Variants in AGBL5 observed in about 807,000 individuals in gnomAD.
AGBL5 encodes the protein cytosolic carboxypeptidase-like protein 5.
Under a neutral mutation model 88.0 loss-of-function variants are expected in AGBL5, and 51 were observed. The ratio of observed to expected loss-of-function variants is 0.58; its 90% CI spans 0.46 to 0.73. AGBL5 has a LOEUF of 0.73. Among genes scored for constraint, AGBL5 ranks in the 30% least tolerant of loss-of-function variants. The probability of loss-of-function intolerance (pLI) is 0.00; values close to 1 mark genes in which losing one functional copy is unlikely to be tolerated. For synonymous variants in AGBL5, 446 were observed against 438.8 expected, an observed-to-expected ratio of 1.02 and a Z score of -0.21; for missense variants, 1,031 against 1,162.2, an observed-to-expected ratio of 0.89 and a Z score of 1.64.
intron 11 of AGBL5, chr2:27,059,615 C>T: frequency 1.7e-6 from 2 of 1,159,064 alleles, no homozygotes; most frequent in Non-Finnish European, 2.4e-6. Flanking sequence ...AGGGGGAAGT[C>T]TGGGTATCTG....
Position 27,053,275 on chromosome 2 carries a change from T to A in AGBL5, c.215+102T>A. On this transcript the variant is annotated intron_variant, in intron 2 of 14. Transcript: ENST00000360131. This position sits in a 1 kb window ranked among gnomAD's most constrained non-coding sequence, Gnocchi z 4.9. ...ACCCAGCATACTCCCTGTCCATTTC[T>A]GACCCATCGTCCCTCCTTTCTCCTT... is the stretch of plus-strand genomic sequence containing the variant. 1 of 1,520,114 alleles carries A rather than the reference T, an allele frequency of 6.6e-7. No individual in the cohort carries two copies. Among genetic ancestry groups the A allele is most frequent in the Admixed American group, 1.9e-5 (1 of 51,610 alleles). The allele number at this position is 1,520,114 out of a possible 1,614,324, so 94.2% of individuals were successfully genotyped here. A position where few individuals can be genotyped will look rare whatever the true frequency, so the allele number is the denominator to read the frequency against.
chr2:27,057,428 T>C lies in AGBL5; in HGVS notation c.1661T>C (p.Leu554Pro). 1 of 1,610,796 alleles carries C rather than the reference T, an allele frequency of 6.2e-7. No homozygotes were observed. The highest frequency in any genetic ancestry group is 8.5e-7 in the Non-Finnish European group (1 of 1,178,274). Reference sequence around the variant, plus strand: ...TTCCCCTCCAGATACACTGTGGAACTATTTGAGCAGGTATGAATACATGGT... The same window carrying C: ...TTCCCCTCCAGATACACTGTGGAACCATTTGAGCAGGTATGAATACATGGT... The part of the protein sequence containing the change: ...PAFPSRYTVE[L>P]FEQVGRAMAI... Residue 554 changes from leucine (L) to proline (P), a missense_variant, in exon 9 of 15, where the codon CTA becomes CCA. Physicochemically the swap from Leu to Pro is moderately conservative, Grantham distance 98. Coordinates refer to ENST00000360131, the MANE Select transcript of AGBL5 (RefSeq NM_021831.6).
rs1431552464 is a variant in AGBL5, at chr2:27,070,193, G to C, written c.2591G>C (p.Gly864Ala). ...CCATCCTGGAATTGTTACAGCAGGG[G>C]TCCCTTGGGCCAACCTGAGGTTTGT... ...DSPSWNCYSR[G>A]PLGQPEVCFV... Residue 864 changes from glycine (G) to alanine (A), a missense_variant, in exon 15 of 15, where the codon GGT becomes GCT. Gly to Ala is a moderately conservative substitution (Grantham distance 60). Transcript: ENST00000360131. The C allele has an allele frequency of 6.2e-7, 1 of 1,614,204 alleles. No individual in the cohort carries two copies. Among genetic ancestry groups the C allele is most frequent in the Non-Finnish European group, 8.5e-7 (1 of 1,180,044 alleles).
In AGBL5 at chr2:27,057,458, G is replaced by C; in HGVS notation, c.1671+20G>C. The C allele has an allele frequency of 6.3e-7, 1 of 1,581,722 alleles. No homozygotes were observed. Among genetic ancestry groups the C allele is most frequent in the Non-Finnish European group, 8.6e-7 (1 of 1,159,818 alleles). Reference sequence around the variant, plus strand: ...GAGCAGGTATGAATACATGGTGTAAGTGGGAAAAGGGAGAAACCTTACAGT... The same window carrying C: ...GAGCAGGTATGAATACATGGTGTAACTGGGAAAAGGGAGAAACCTTACAGT... On this transcript the variant is annotated intron_variant, in intron 9 of 14. Coordinates refer to ENST00000360131, the MANE Select transcript of AGBL5 (RefSeq NM_021831.6).
In AGBL5 at chr2:27,055,789, A is replaced by G. The variant is rs1431428859; in HGVS notation, c.1016A>G (p.His339Arg). 2.7e-5 allele frequency: 44 copies of G among 1,613,734 alleles called. No individual in the cohort carries two copies. The highest frequency in any genetic ancestry group is 3.5e-5 in the Non-Finnish European group (41 of 1,179,962). ...AKAVLLYHHV[H>R]SRLNSQSSSE... ...GCTGTGCTTCTCTACCACCATGTGCACTCTCGTCTGAACTCCCAGAGTTCC... is the reference window on the plus strand; with the variant it reads ...GCTGTGCTTCTCTACCACCATGTGCGCTCTCGTCTGAACTCCCAGAGTTCC... Residue 339 changes from histidine to arginine, a missense_variant, in exon 7 of 15, where the codon CAC becomes CGC. His to Arg is a conservative substitution (Grantham distance 29). This residue lies in a region of AGBL5 where 540 missense variants were observed against 678.2 expected (regional missense o/e 0.80). Coordinates refer to ENST00000360131, the MANE Select transcript of AGBL5 (RefSeq NM_021831.6).
chr2:27,066,497 TTAAGAG>T (rs1668995077), intron 11 of AGBL5, among the ~76,000 whole-genome samples: 1 of 151,880 alleles, frequency 6.6e-6, no homozygotes, highest in South Asian at 2.1e-4. Context: ...ATTTGGGAGT[TTAAGAG>T]TAAGTAGAGC....
At chr2:27,061,637 G>T (rs1668722819) in intron 11 of AGBL5, 1 of 152,354 alleles carries the variant, frequency 6.6e-6, no homozygotes, top group East Asian at 1.9e-4. Flanking sequence ...CAAAGTGCTA[G>T]GATTACAGGC....
chr2:27,054,954 G>A (rs1668356731), intron 5 of AGBL5, 121 bp from the exon 6 acceptor site: 1 of 1,483,910 alleles, frequency 6.7e-7, no homozygotes, highest in East Asian at 2.3e-5. Flanking sequence ...TGCTCCACTT[G>A]CAGATTCAGC....
At chr2:27,063,701 G>A (rs186316860) in intron 11 of AGBL5, among the ~76,000 whole-genome samples, 36 of 152,154 alleles carry the variant, frequency 2.4e-4, no homozygotes, top group South Asian at 8.3e-4. Context: ...TGCTAGGGAC[G>A]GTTCCAAAGA....
chr2:27,054,055 A>T lies in AGBL5; in HGVS notation c.547A>T (p.Ser183Cys). The change falls in exon 4 of 15, where the codon AGC (serine) becomes TGC (cysteine). Residue 183 changes from serine to cysteine, a missense_variant. Ser to Cys is a moderately radical substitution (Grantham distance 112). Transcript: ENST00000360131. The part of the protein sequence containing the change: ...QRFPENHPTH[S>C]SPLDTIYYHR... ...CTTTCCGGAGAACCACCCTACCCAT[A>T]GCAGGTGCCAGCCCCATTCTTACTC... 5 of 1,611,010 alleles carry T rather than the reference A, an allele frequency of 3.1e-6. No individual in the cohort carries two copies. The highest frequency in any genetic ancestry group is 4.2e-6 in the Non-Finnish European group (5 of 1,178,122).
chr2:27,051,213 C>A (rs181071032), upstream of AGBL5, among the ~76,000 whole-genome samples: 5 of 152,122 alleles, frequency 3.3e-5, no homozygotes, highest in Non-Finnish European at 5.9e-5. Context: ...AAGCAGCAGG[C>A]GGGGGATTAG....
intron 13 of AGBL5, chr2:27,069,013 C>T: frequency 7.0e-7 from 1 of 1,424,452 alleles, no homozygotes; most frequent in Non-Finnish European, 9.3e-7. Context: ...GCTTTCCCTG[C>T]CCCTGCCCTT....
intron 11 of AGBL5, 118 bp from the exon 12 acceptor site, chr2:27,067,376 C>A (rs372314655): frequency 1.0e-5 from 10 of 955,224 alleles, no homozygotes; most frequent in African/African-American, 3.3e-5. Flanking sequence ...GGATGTGGGT[C>A]TGATGACAAG....
chr2:27,054,352 T>C (rs983978265), intron 4 of AGBL5: 1 of 555,786 alleles, frequency 1.8e-6, no homozygotes, highest in Non-Finnish European at 3.1e-6. Context: ...AGTATACCTT[T>C]TTTATCTGCC....
Position 27,053,557 on chromosome 2 carries a change from A to T in AGBL5, c.371A>T (p.Asp124Val). 6.2e-7 allele frequency: 1 copy of T among 1,613,032 alleles called. No individual in the cohort carries two copies. Among genetic ancestry groups the T allele is most frequent in the South Asian group, 1.1e-5 (1 of 90,910 alleles). ...CGGCCACGCTGGGAACGCATTCGAG[A>T]CCGGCCCACCTTTGAGGTAAGTTCT... ...PTRPRWERIR[D>V]RPTFEMTETQ... The change falls in exon 3 of 15, where the codon GAC (aspartate) becomes GTC (valine). Residue 124 changes from aspartate to valine, a missense_variant. Transcript: ENST00000360131. The surrounding 1 kb of genome is among the most constrained non-coding windows in gnomAD (Gnocchi z 4.9).
At position 27,055,826 on chromosome 2, in the gene AGBL5, G is replaced by C. The variant is rs745370626; in HGVS notation, c.1053G>C (p.Gln351His). ...RLNSQSSSEHQPSSCLPPDAP... is the reference protein window; with the variant it reads ...RLNSQSSSEHHPSSCLPPDAP... ...ACTCCCAGAGTTCCTCTGAGCACCA[G>C]CCCAGTTCCTGTCTCCCTCCTGATG... Residue 351 changes from glutamine to histidine, a missense_variant, in exon 7 of 15, where the codon CAG (glutamine) becomes CAC (histidine). Gln to His is a conservative substitution (Grantham distance 24, BLOSUM62 0). Coordinates refer to ENST00000360131, the MANE Select transcript of AGBL5 (RefSeq NM_021831.6). 3 of 1,614,170 alleles carry C rather than the reference G, an allele frequency of 1.9e-6. No homozygotes were observed. Among genetic ancestry groups the C allele is most frequent in the Non-Finnish European group, 2.5e-6 (3 of 1,180,038 alleles).
chr2:27,064,752 C>CTTT lies in AGBL5; in HGVS notation c.2090-2722_2090-2720dup, dbSNP rs58558379. 1.0e-3 allele frequency among the ~76,000 whole-genome samples: 65 copies of CTTT among 62,756 alleles called. 1 individual carries two copies. The highest frequency in any genetic ancestry group is 2.3e-3 in the East Asian group (4 of 1,760). 41.2% of individuals were successfully genotyped at this position (62,756 alleles called of 152,430 possible). A position where few individuals can be genotyped will look rare whatever the true frequency, so the allele number is the denominator to read the frequency against. On this transcript the variant is annotated intron_variant, in intron 11 of 14. Transcript: ENST00000360131. ...TTTTTTTTCCATTTTGGTTTGGAAC[C>CTTT]TTTTTTTTTTTTTTTTTTTTTTGAG...
chr2:27,055,289 A>G (rs1276451277), intron 6 of AGBL5, 36 bp downstream of exon 6: 21 of 1,599,632 alleles, frequency 1.3e-5, no homozygotes, highest in Non-Finnish European at 1.7e-5. Flanking sequence ...GACTGTTCCC[A>G]TTTCCCCTCA....
intron 11 of AGBL5, among the ~76,000 whole-genome samples, chr2:27,060,342 T>C (rs1668653202): frequency 6.6e-6 from 1 of 152,072 alleles, no homozygotes; most frequent in African/African-American, 2.4e-5. Flanking sequence ...AGATTCTGGG[T>C]CAAAATTATA....
Sources: allele counts gnomAD v4.1 joint callset (sites outside exome capture counted in the v4.1 genomes callset), GRCh38; gene constraint gnomAD v4.1.1; regional missense constraint gnomAD v4.1.1; non-coding constraint Gnocchi (gnomAD v3.1); transcripts MANE v1.5; gene names NCBI Gene and HGNC (gene_info 2026-07-23, HGNC 2026-07-21).